The following LRP1B variants were observed in gnomAD, a reference collection of about 807,000 sequenced individuals.
LRP1B encodes the protein LDL receptor related protein 1B.
LRP1B carries 217 observed loss-of-function variants against 556.6 expected under a neutral mutation model. The observed-to-expected ratio is 0.39, with a 90% confidence interval of 0.35 to 0.44. The LOEUF is 0.44. LRP1B is among the 20% of genes least tolerant of loss of function. LRP1B has a pLI of 1.00. For synonymous variants in LRP1B, 2,047 were observed against 1,865.8 expected (o/e 1.10, Z -2.50); for missense variants, 5,053 against 5,620.8 (o/e 0.90, Z 3.23).
intron 55 of LRP1B, among the ~76,000 whole-genome samples, chr2:140,499,452 A>T (rs1689089699): frequency 6.6e-6 from 1 of 151,884 alleles, no homozygotes; most frequent in Non-Finnish European, 1.5e-5. Context: ...ACACACACAC[A>T]GACACACTCA....
chr2:141,939,535 T>C lies in LRP1B; in HGVS notation c.83-129134A>G, dbSNP rs550512679. On this transcript the variant is annotated intron_variant, in intron 1 of 90. Coordinates refer to ENST00000389484, the MANE Select transcript of LRP1B (RefSeq NM_018557.3). ...TTTTCAGGAATGTGTAAGTCAATTA[T>C]TAAACATACTAATTAAAAATTAAAT... Among the ~76,000 whole-genome samples, 5 of 152,214 alleles carry C rather than the reference T, an allele frequency of 3.3e-5. No individual in the cohort carries two copies. In the South Asian group the frequency reaches 1.0e-3, roughly 32 times the overall value.
intron 1 of LRP1B, among the ~76,000 whole-genome samples, chr2:142,016,137 T>C (rs1416152917): frequency 6.6e-6 from 1 of 151,550 alleles, no homozygotes; most frequent in Non-Finnish European, 1.5e-5. Context: ...TGAGATACCA[T>C]CTCATGCCAA....
chr2:141,847,912 G>A (rs1697709520), intron 1 of LRP1B, among the ~76,000 whole-genome samples: 1 of 151,310 alleles, frequency 6.6e-6, no homozygotes, highest in African/African-American at 2.4e-5. Flanking sequence ...TGACAAATTG[G>A]GAAAGATATT....
At chr2:141,528,505 A>T (rs894055826) in intron 2 of LRP1B, among the ~76,000 whole-genome samples, 3 of 152,154 alleles carry the variant, frequency 2.0e-5, no homozygotes, top group Admixed American at 1.3e-4. Context: ...TGGAGCAGTC[A>T]TCAACCTTTG....
intron 6 of LRP1B, among the ~76,000 whole-genome samples, chr2:141,190,383 C>G (rs1299381082): frequency 6.6e-6 from 1 of 151,936 alleles, no homozygotes; most frequent in Non-Finnish European, 1.5e-5. Context: ...TGCCCCTACG[C>G]TATTCTCAAT....
chr2:141,517,029 A>AAAAAAAAC lies in LRP1B; in HGVS notation c.206-36497_206-36496insGTTTTTTT, dbSNP rs772472942. Among the ~76,000 whole-genome samples the AAAAAAAAC allele has an allele frequency of 1.0e-3, 93 of 90,176 alleles. 17 individuals are homozygous for AAAAAAAAC. Among genetic ancestry groups the AAAAAAAAC allele is most frequent in the Non-Finnish European group, 1.4e-3 (66 of 46,904 alleles). 59.2% of individuals were successfully genotyped at this position (90,176 alleles called of 152,430 possible). A position where few individuals can be genotyped will look rare whatever the true frequency, so the allele number is the denominator to read the frequency against. On this transcript the variant is annotated intron_variant, in intron 2 of 90. Coordinates refer to ENST00000389484, the MANE Select transcript of LRP1B (RefSeq NM_018557.3). ...TAAAAAAAAAAAAAAAAAAAAAAAA[A>AAAAAAAAC]AAAGTAAATCAATGAAATAATTTAA...
chr2:140,828,114 C>T (rs2380894), intron 31 of LRP1B, among the ~76,000 whole-genome samples: 118,079 of 151,832 alleles, frequency 0.78, 47,285 homozygotes, highest in Non-Finnish European at 0.88. Flanking sequence ...CAAAAAAAAA[C>T]TCTAAAGGGA....
intron 41 of LRP1B, among the ~76,000 whole-genome samples, chr2:140,670,211 G>A (rs1048883464): frequency 7.2e-5 from 11 of 152,036 alleles, no homozygotes; most frequent in Non-Finnish European, 1.6e-4. Context: ...TAAAATTAAT[G>A]TTTGCATTTA....
At position 140,694,111 on chromosome 2, in the gene LRP1B, A is replaced by G. The variant is rs184073474; in HGVS notation, c.6799+6139T>C. Among the ~76,000 whole-genome samples the G allele has an allele frequency of 3.2e-3, 481 of 152,344 alleles. 6 individuals are homozygous for G. The highest frequency in any genetic ancestry group is 3.4e-3 in the Middle Eastern group (1 of 294). On this transcript the variant is annotated intron_variant, in intron 41 of 90. Transcript: ENST00000389484. ...AAATATGCTATGTTTAGTTAAAACA[A>G]AACATCAGAATGCATCCCACTAAAT... is the stretch of plus-strand genomic sequence containing the variant.
At chr2:141,379,301 C>T (rs2104883406) in intron 3 of LRP1B, among the ~76,000 whole-genome samples, 1 of 152,142 alleles carries the variant, frequency 6.6e-6, no homozygotes, top group Non-Finnish European at 1.5e-5. Flanking sequence ...TAAAACATCC[C>T]AAATAGACAA....
At chr2:141,145,627 G>A (rs570199533) in intron 7 of LRP1B, among the ~76,000 whole-genome samples, 10 of 149,986 alleles carry the variant, frequency 6.7e-5, no homozygotes, top group Admixed American at 4.0e-4. Context: ...TCTGCCTCCC[G>A]GGTTCAAGTG....
intron 3 of LRP1B, among the ~76,000 whole-genome samples, chr2:141,466,510 A>G (rs544193193): frequency 7.2e-5 from 11 of 152,334 alleles, no homozygotes; most frequent in African/African-American, 2.2e-4. Flanking sequence ...CTTGCAAATA[A>G]GGGTGGCTGT....
intron 29 of LRP1B, among the ~76,000 whole-genome samples, chr2:140,849,778 G>A (rs1692400381): frequency 1.3e-5 from 2 of 152,032 alleles, no homozygotes; most frequent in South Asian, 4.2e-4. Flanking sequence ...GACCTCAAGT[G>A]ATCCACCCGC....
chr2:141,129,234 GA>G (rs1279196686), intron 7 of LRP1B, among the ~76,000 whole-genome samples: 1 of 152,016 alleles, frequency 6.6e-6, no homozygotes, highest in Non-Finnish European at 1.5e-5. Flanking sequence ...AACAATCATG[GA>G]AAAGACGACT....
chr2:141,257,464 T>C (rs1002609622), intron 3 of LRP1B, among the ~76,000 whole-genome samples: 4 of 152,158 alleles, frequency 2.6e-5, no homozygotes, highest in Admixed American at 6.5e-5. Context: ...CTTTCTACTC[T>C]CTCTACTTGA....
chr2:140,537,847 G>A (rs2105008137), intron 45 of LRP1B, among the ~76,000 whole-genome samples: 1 of 152,182 alleles, frequency 6.6e-6, no homozygotes, highest in African/African-American at 2.4e-5. Flanking sequence ...TCCCTATTTT[G>A]AAGGGTCTCT....
At chr2:142,038,965 C>T (rs1271635979) in intron 1 of LRP1B, among the ~76,000 whole-genome samples, 1 of 151,416 alleles carries the variant, frequency 6.6e-6, no homozygotes, top group Non-Finnish European at 1.5e-5. Context: ...TCAAGTTTTC[C>T]TTGAGCTCAT....
chr2:141,206,863 C>A (rs1682306969), intron 6 of LRP1B, among the ~76,000 whole-genome samples: 1 of 152,164 alleles, frequency 6.6e-6, no homozygotes, highest in Non-Finnish European at 1.5e-5. Context: ...GGTAGTAAGA[C>A]ATTTACTTGG....
At chr2:141,583,969 A>C (rs1193856200) in intron 2 of LRP1B, among the ~76,000 whole-genome samples, 1 of 151,498 alleles carries the variant, frequency 6.6e-6, no homozygotes, top group Non-Finnish European at 1.5e-5. Context: ...TGATCTCCTG[A>C]TCTCATTGAA....
Sources: allele counts gnomAD v4.1 joint callset (sites outside exome capture counted in the v4.1 genomes callset), GRCh38; gene constraint gnomAD v4.1.1; transcripts MANE v1.5; gene names NCBI Gene and HGNC (gene_info 2026-07-23, HGNC 2026-07-21).